Variants in MAN2A1 observed in about 807,000 individuals in gnomAD.
MAN2A1 encodes the protein alpha-mannosidase 2.
A neutral mutation model predicts 142.6 loss-of-function variants in MAN2A1; 76 were observed. The observed-to-expected ratio is 0.53, with a 90% CI of 0.44 to 0.65. The LOEUF (loss-of-function observed/expected upper bound fraction) is 0.65. Ranked by LOEUF, MAN2A1 falls within the 30% of genes least tolerant of loss-of-function variation. The pLI is 0.00. For missense variants in MAN2A1, 1,311 were observed against 1,365.1 expected, an observed-to-expected ratio of 0.96 and a Z score of 0.62; for synonymous variants, 559 against 473.2, an observed-to-expected ratio of 1.18 and a Z score of -2.35.
intron 16 of MAN2A1, among the ~76,000 whole-genome samples, chr5:109,842,013 T>G (rs2112756944): frequency 6.6e-6 from 1 of 152,322 alleles, no homozygotes; most frequent in Middle Eastern, 3.4e-3. Flanking sequence ...GCAGCCCTTT[T>G]TTCATTTCAT....
chr5:109,691,723 G>T (rs1168679140), intron 1 of MAN2A1, among the ~76,000 whole-genome samples: 3 of 152,168 alleles, frequency 2.0e-5, no homozygotes, highest in African/African-American at 7.2e-5. Flanking sequence ...AACATGTTTT[G>T]TCGGTGAGAG....
At chr5:109,841,580 C>A (rs1755207675) in intron 16 of MAN2A1, among the ~76,000 whole-genome samples, 1 of 152,150 alleles carries the variant, frequency 6.6e-6, no homozygotes, top group Non-Finnish European at 1.5e-5. Context: ...CCTGAAGATA[C>A]AATTAAAGTA....
chr5:109,817,280 G>A lies in MAN2A1; in HGVS notation c.1951G>A (p.Val651Met). 1.2e-6 allele frequency: 2 copies of A among 1,613,634 alleles called. No homozygotes were observed. Among genetic ancestry groups the A allele is most frequent in the East Asian group, 4.5e-5 (2 of 44,872 alleles). Residue 651 changes from valine (V) to methionine (M), a missense_variant, in exon 13 of 22, where the codon GTG becomes ATG. By Grantham distance (21) the Val-to-Met change is conservative. Transcript: ENST00000261483. Reference protein sequence around the residue: ...IRLSAEPRYLVVYNPLEQDRI... With the variant: ...IRLSAEPRYLMVYNPLEQDRI... Reference sequence around the variant, plus strand: ...AAGCAGCTGTTTTTGCAGGTACCTTGTGGTCTATAATCCTTTAGAACAAGA... The same window carrying A: ...AAGCAGCTGTTTTTGCAGGTACCTTATGGTCTATAATCCTTTAGAACAAGA...
At chr5:109,793,540 T>G (rs1753788083) in intron 12 of MAN2A1, among the ~76,000 whole-genome samples, 1 of 152,216 alleles carries the variant, frequency 6.6e-6, no homozygotes, top group African/African-American at 2.4e-5. Flanking sequence ...TATATTCTCC[T>G]CAGGTGGTTC....
chr5:109,837,037 A>T (rs527814569), intron 16 of MAN2A1, among the ~76,000 whole-genome samples: 2 of 150,032 alleles, frequency 1.3e-5, no homozygotes, highest in Admixed American at 6.7e-5. Context: ...ACATGGGTGT[A>T]TGTGATTTTA....
chr5:109,851,273 C>G (rs1417646815), intron 19 of MAN2A1, among the ~76,000 whole-genome samples: 2 of 152,196 alleles, frequency 1.3e-5, no homozygotes, highest in Non-Finnish European at 2.9e-5. Flanking sequence ...TTATGCTAAT[C>G]ATCCTCAAAG....
At chr5:109,845,827 A>G (rs2112762216) in intron 17 of MAN2A1, 38 bp from the exon 18 acceptor site, 1 of 1,568,374 alleles carries the variant, frequency 6.4e-7, no homozygotes, top group Non-Finnish European at 8.7e-7. Flanking sequence ...ACATATGTAA[A>G]TATCACTTTT....
chr5:109,788,006 A>C (rs183502409), intron 10 of MAN2A1, among the ~76,000 whole-genome samples: 5 of 151,996 alleles, frequency 3.3e-5, no homozygotes, highest in South Asian at 4.1e-4. Context: ...AATGCTCTGC[A>C]AAAAAGAAGT....
intron 4 of MAN2A1, among the ~76,000 whole-genome samples, chr5:109,731,024 A>T (rs1751890371): frequency 6.6e-6 from 1 of 152,134 alleles, no homozygotes; most frequent in African/African-American, 2.4e-5. Context: ...TTTATAATAT[A>T]CTTCGTTAAC....
intron 12 of MAN2A1, among the ~76,000 whole-genome samples, chr5:109,796,622 C>T (rs72812787): frequency 0.05 from 7,668 of 152,174 alleles, 275 homozygotes; most frequent in Non-Finnish European, 0.07. Context: ...TAGGAAAGTC[C>T]GCTCAAGGAA....
chr5:109,738,841 C>T (rs550345878), intron 4 of MAN2A1, among the ~76,000 whole-genome samples: 4 of 151,820 alleles, frequency 2.6e-5, no homozygotes, highest in Non-Finnish European at 4.4e-5. Context: ...GGAGACTTTT[C>T]TTTTAGTTTT....
intron 5 of MAN2A1, among the ~76,000 whole-genome samples, chr5:109,756,186 A>G (rs1752683651): frequency 6.6e-6 from 1 of 152,142 alleles, no homozygotes; most frequent in African/African-American, 2.4e-5. Context: ...GGTCCTCCAT[A>G]TGAGTGGCCT....
intron 4 of MAN2A1, among the ~76,000 whole-genome samples, chr5:109,753,887 G>A (rs1239915690): frequency 6.6e-6 from 1 of 151,392 alleles, no homozygotes; most frequent in Non-Finnish European, 1.5e-5. Context: ...ATAGATACTT[G>A]CTCAATTTTT....
At chr5:109,850,603 G>T (rs1755459426) in intron 19 of MAN2A1, among the ~76,000 whole-genome samples, 1 of 152,158 alleles carries the variant, frequency 6.6e-6, no homozygotes, top group Non-Finnish European at 1.5e-5. Flanking sequence ...TTGTCTGAGT[G>T]CTGACAGCTA....
In MAN2A1 at chr5:109,729,503, G is replaced by A. The variant is rs746327063; in HGVS notation, c.697G>A (p.Ala233Thr). The A allele has an allele frequency of 1.3e-6, 2 of 1,525,012 alleles. No homozygotes were observed. The highest frequency in any genetic ancestry group is 2.2e-5 in the Admixed American group (1 of 45,694). 94.5% of individuals were successfully genotyped at this position (1,525,012 alleles called of 1,614,324 possible). ...TATTATAGATATTCAGAAGAAGGAT[G>A]CTGTTAAAAGGTTTGTTTTAAAACT... is the stretch of plus-strand genomic sequence containing the variant. ...WDIIDIQKKD[A>T]VKSLIENGQL... Residue 233 changes from alanine to threonine, a missense_variant, in exon 4 of 22, where the codon GCT becomes ACT. By Grantham distance (58) the Ala-to-Thr change is moderately conservative. Around this residue, in one of 3 missense-constraint regions of MAN2A1, gnomAD observed 409 missense variants for 412.7 expected, o/e 0.99. Transcript: ENST00000261483.
intron 20 of MAN2A1, among the ~76,000 whole-genome samples, chr5:109,861,551 G>A (rs973056551): frequency 2.6e-5 from 4 of 152,182 alleles, no homozygotes; most frequent in African/African-American, 9.6e-5. Context: ...ATTGTGCCAA[G>A]TGCTTTACAT....
chr5:109,784,273 T>TCTCCTCCTCTGACA (rs1753538798), intron 9 of MAN2A1, among the ~76,000 whole-genome samples: 1 of 152,174 alleles, frequency 6.6e-6, no homozygotes, highest in Non-Finnish European at 1.5e-5. Context: ...CTGCCTCTCC[T>TCTCCTCCTCTGACA]CTCCTCTGAG....
intron 8 of MAN2A1, among the ~76,000 whole-genome samples, chr5:109,776,110 A>G (rs1415442119): frequency 2.6e-5 from 4 of 151,090 alleles, no homozygotes; most frequent in African/African-American, 9.7e-5. Context: ...TAGAGACTCT[A>G]CATAAGAAGA....
chr5:109,741,605 A>C (rs1752269569), intron 4 of MAN2A1, among the ~76,000 whole-genome samples: 1 of 152,200 alleles, frequency 6.6e-6, no homozygotes, highest in Non-Finnish European at 1.5e-5. Context: ...GCAGAGTTCC[A>C]CGTAAGCTTT....
Sources: gnomAD v4.1 joint callset for allele counts (sites outside exome capture counted in the v4.1 genomes callset) on GRCh38, gnomAD v4.1.1 for gene constraint, gnomAD v4.1.1 regional missense constraint, MANE v1.5 for transcripts, NCBI Gene and HGNC (gene_info 2026-07-23, HGNC 2026-07-21) for gene names.